The following MDGA2 variants were observed in gnomAD, a reference collection of about 807,000 sequenced individuals.
MDGA2 encodes MAM domain-containing glycosylphosphatidylinositol anchor protein 2.
In MDGA2, 40 loss-of-function variants were observed where a neutral mutation model predicts 117.8. The ratio of observed to expected loss-of-function variants is 0.34; its 90% CI spans 0.26 to 0.44. The LOEUF (loss-of-function observed/expected upper bound fraction) is 0.44. Among genes scored for constraint, MDGA2 ranks in the 20% least tolerant of loss-of-function variants. The pLI is 1.00. For synonymous variants in MDGA2, 452 were observed against 439.0 expected (o/e 1.03, Z -0.37); for missense variants, 1,123 against 1,250.6 (o/e 0.90, Z 1.54).
intron 3 of MDGA2, among the ~76,000 whole-genome samples, chr14:47,184,363 T>C (rs1884828694): frequency 1.3e-5 from 2 of 151,924 alleles, no homozygotes; most frequent in Non-Finnish European, 2.9e-5. Flanking sequence ...TAGAACTCTA[T>C]TGGGATATTT....
chr14:47,053,355 T>TA (rs974438189), intron 7 of MDGA2, among the ~76,000 whole-genome samples: 1 of 151,786 alleles, frequency 6.6e-6, no homozygotes, highest in African/African-American at 2.4e-5. Flanking sequence ...ACTGATTTTC[T>TA]AATTGCTCAC....
chr14:46,901,765 A>C (rs1883295157), intron 10 of MDGA2, among the ~76,000 whole-genome samples: 1 of 152,186 alleles, frequency 6.6e-6, no homozygotes, highest in Non-Finnish European at 1.5e-5. Flanking sequence ...GCTCCCTGCT[A>C]GGGTTTAAGG....
chr14:47,619,116 T>TACACACACAC lies in MDGA2; in HGVS notation c.280+55391_280+55400dup, dbSNP rs1555336908. Among the ~76,000 whole-genome samples, 53 of 90,800 alleles carry TACACACACAC rather than the reference T, an allele frequency of 5.8e-4. 1 individual carries two copies. The East Asian group carries it at 0.01, about 17-fold the overall frequency. The allele number at this position is 90,800 out of a possible 152,430, so 59.6% of individuals were successfully genotyped here. Reference sequence around the variant, plus strand: ...TAGCATCTCTGAGCCTCAGTTTAATTACACACACACACACACACACACACA... The same window carrying TACACACACAC: ...TAGCATCTCTGAGCCTCAGTTTAATTACACACACACACACACACACACACACACACACACA... On this transcript the variant is annotated intron_variant, in intron 1 of 16. Coordinates refer to ENST00000399232, the MANE Select transcript of MDGA2 (RefSeq NM_001113498.3).
chr14:47,376,407 T>C (rs1891479092), intron 1 of MDGA2, among the ~76,000 whole-genome samples: 1 of 152,218 alleles, frequency 6.6e-6, no homozygotes, highest in Admixed American at 6.5e-5. Flanking sequence ...AATTAAATTG[T>C]ATAATCCAAC....
chr14:46,917,182 T>C (rs1381185941), intron 10 of MDGA2, among the ~76,000 whole-genome samples: 4 of 151,620 alleles, frequency 2.6e-5, no homozygotes, highest in African/African-American at 9.7e-5. Flanking sequence ...TGAGACATAA[T>C]AAAAAAAGGT....
At chr14:47,531,072 C>T (rs1464445835) in intron 1 of MDGA2, among the ~76,000 whole-genome samples, 2 of 152,050 alleles carry the variant, frequency 1.3e-5, no homozygotes, top group Non-Finnish European at 1.5e-5. Flanking sequence ...GATGAAACCC[C>T]GTCTCTACTA....
chr14:47,051,490 T>C (rs987039943), intron 7 of MDGA2, among the ~76,000 whole-genome samples: 4 of 151,860 alleles, frequency 2.6e-5, no homozygotes, highest in African/African-American at 2.4e-5. Context: ...TCTAACAATG[T>C]TGAATGAAAA....
At chr14:47,028,030 A>T (rs564717704) in intron 8 of MDGA2, among the ~76,000 whole-genome samples, 2 of 152,244 alleles carry the variant, frequency 1.3e-5, no homozygotes, top group African/African-American at 4.8e-5. Flanking sequence ...TTAAGATAAG[A>T]TCTTAACTAC....
chr14:47,564,777 A>G (rs936935880), intron 1 of MDGA2, among the ~76,000 whole-genome samples: 1 of 152,180 alleles, frequency 6.6e-6, no homozygotes, highest in Admixed American at 6.5e-5. Flanking sequence ...GTCTCTTTAC[A>G]TCATCCAATA....
At chr14:47,595,572 C>A (rs1267698906) in intron 1 of MDGA2, among the ~76,000 whole-genome samples, 19 of 137,838 alleles carry the variant, frequency 1.4e-4, no homozygotes, top group Middle Eastern at 4.1e-3. Context: ...AAAAAAAAAA[C>A]CCAGCAACCC....
At chr14:47,300,326 T>C (rs983194615) in intron 2 of MDGA2, among the ~76,000 whole-genome samples, 9 of 152,362 alleles carry the variant, frequency 5.9e-5, no homozygotes, top group African/African-American at 2.2e-4. Flanking sequence ...ATGTGAATTT[T>C]GAGCTAGTAA....
intron 1 of MDGA2, among the ~76,000 whole-genome samples, chr14:47,558,300 T>C (rs1407477022): frequency 6.6e-6 from 1 of 152,214 alleles, no homozygotes; most frequent in Non-Finnish European, 1.5e-5. Context: ...AAAGAATTAG[T>C]CCACTTTGAT....
At chr14:46,883,059 T>C (rs1163330127) in intron 10 of MDGA2, among the ~76,000 whole-genome samples, 3 of 152,070 alleles carry the variant, frequency 2.0e-5, no homozygotes. Flanking sequence ...AGGAAAGAAT[T>C]CTAATCTTTT....
chr14:47,307,842 T>C (rs1357467139), intron 1 of MDGA2, among the ~76,000 whole-genome samples: 1 of 152,086 alleles, frequency 6.6e-6, no homozygotes. Context: ...CTACATAGAA[T>C]AGAGGAGAGT....
intron 1 of MDGA2, among the ~76,000 whole-genome samples, chr14:47,528,501 A>G (rs1431906917): frequency 1.3e-5 from 2 of 152,222 alleles, no homozygotes; most frequent in Non-Finnish European, 2.9e-5. Flanking sequence ...CCAATAAAAG[A>G]AGGAGATCAT....
chr14:47,126,081 A>C (rs139869991), intron 5 of MDGA2, among the ~76,000 whole-genome samples: 9 of 152,198 alleles, frequency 5.9e-5, no homozygotes, highest in Non-Finnish European at 1.3e-4. Context: ...ATTACCATCT[A>C]AACTTATAAA....
intron 1 of MDGA2, among the ~76,000 whole-genome samples, chr14:47,431,260 G>A (rs1892792949): frequency 6.6e-6 from 1 of 151,904 alleles, no homozygotes. Context: ...AACTCACTCA[G>A]CTTTGAAAAT....
intron 1 of MDGA2, among the ~76,000 whole-genome samples, chr14:47,608,315 T>C (rs1594941347): frequency 6.6e-6 from 1 of 152,276 alleles, no homozygotes; most frequent in South Asian, 2.1e-4. Flanking sequence ...ATCCTAATTA[T>C]GTAACATGAT....
intron 3 of MDGA2, among the ~76,000 whole-genome samples, chr14:47,145,390 GACACTCCTCA>G (rs1882900125): frequency 6.6e-6 from 1 of 152,116 alleles, no homozygotes; most frequent in Admixed American, 6.5e-5. Flanking sequence ...TATAAATACA[GACACTCCTCA>G]ACCAGCTTTG....
Sources: allele counts gnomAD v4.1 joint callset (sites outside exome capture counted in the v4.1 genomes callset), GRCh38; gene constraint gnomAD v4.1.1; transcripts MANE v1.5; gene names NCBI Gene and HGNC (gene_info 2026-07-23, HGNC 2026-07-21).